Variants in NLGN1 observed in about 807,000 individuals in gnomAD.
NLGN1 encodes neuroligin-1.
Under a neutral mutation model 65.5 loss-of-function variants are expected in NLGN1, and 12 were observed. The ratio of observed to expected loss-of-function variants is 0.18; its 90% CI spans 0.12 to 0.30. The LOEUF (loss-of-function observed/expected upper bound fraction) is 0.30, where lower values mean the gene tolerates loss of function less well. Ranked by LOEUF, NLGN1 falls within the 10% of genes least tolerant of loss-of-function variation. The pLI is 1.00. For missense variants in NLGN1, 750 were observed against 1,007.1 expected, an observed-to-expected ratio of 0.74 and a Z score of 3.46; for synonymous variants, 350 against 359.5, an observed-to-expected ratio of 0.97 and a Z score of 0.30.
At chr3:174,119,505 C>T (rs980884113) in intron 4 of NLGN1, among the ~76,000 whole-genome samples, 7 of 152,112 alleles carry the variant, frequency 4.6e-5, no homozygotes, top group Admixed American at 1.3e-4. Context: ...AGTTTCATTT[C>T]ACATGGATAT....
intron 4 of NLGN1, among the ~76,000 whole-genome samples, chr3:173,895,588 G>T (rs1736203915): frequency 6.6e-6 from 1 of 152,112 alleles, no homozygotes; most frequent in Non-Finnish European, 1.5e-5. Flanking sequence ...CTTCCAGAAA[G>T]ACCAGAGACC....
chr3:173,886,873 T>A (rs1363130997), intron 4 of NLGN1, among the ~76,000 whole-genome samples: 1 of 152,020 alleles, frequency 6.6e-6, no homozygotes, highest in Non-Finnish European at 1.5e-5. Flanking sequence ...TATCTTGATT[T>A]CCCTTGCACT....
rs1331010328 is a variant in NLGN1, at chr3:173,450,322, A to C, written c.-321+15244A>C. 2.6e-5 allele frequency among the ~76,000 whole-genome samples: 4 copies of C among 152,076 alleles called. No individual in the cohort carries two copies. The East Asian group carries it at 7.7e-4, about 29-fold the overall frequency. ...TATTTTATTTCTCCTTCACTTATGA[A>C]GCTTAGTTTGGCTGGATATGAAATT... On this transcript the variant is annotated intron_variant, in intron 2 of 6. Transcript: ENST00000457714.
intron 4 of NLGN1, among the ~76,000 whole-genome samples, chr3:173,939,112 T>G (rs1745541004): frequency 1.3e-5 from 2 of 152,224 alleles, no homozygotes; most frequent in Non-Finnish European, 2.9e-5. Context: ...TTAGCTAGCC[T>G]GTAACACTTA....
chr3:173,911,516 G>T (rs1451968735), intron 4 of NLGN1, among the ~76,000 whole-genome samples: 1 of 152,270 alleles, frequency 6.6e-6, no homozygotes, highest in Admixed American at 6.5e-5. Flanking sequence ...TTGAATCAGA[G>T]ATTAGCTCAA....
rs191029080 is a variant in NLGN1, at chr3:173,915,977, C to T, written c.646+108145C>T. The stretch of plus-strand genomic sequence containing the variant: ...GTGAGAAAAGTAGCAGGGTTTAGAT[C>T]GTGAACTTTAATGTGGCGCTCCAAA... On this transcript the variant is annotated intron_variant, in intron 4 of 6. Coordinates refer to ENST00000457714, the Ensembl canonical transcript of NLGN1. Among the ~76,000 whole-genome samples, 308 of 152,114 alleles carry T rather than the reference C, an allele frequency of 2.0e-3. 2 individuals carry two copies. Among genetic ancestry groups the T allele is most frequent in the Middle Eastern group, 3.4e-3 (1 of 294 alleles).
chr3:173,930,177 C>A (rs567546530), intron 4 of NLGN1, among the ~76,000 whole-genome samples: 1 of 152,302 alleles, frequency 6.6e-6, no homozygotes, highest in East Asian at 1.9e-4. Context: ...CTTGGAAATT[C>A]CGTACCTACT....
intron 4 of NLGN1, among the ~76,000 whole-genome samples, chr3:174,130,322 C>T (rs556932133): frequency 2.0e-5 from 3 of 152,172 alleles, no homozygotes; most frequent in Non-Finnish European, 2.9e-5. Context: ...TGCAGTGAGC[C>T]GAGATCGCGC....
intron 4 of NLGN1, among the ~76,000 whole-genome samples, chr3:174,114,267 G>A (rs758668628): frequency 2.6e-5 from 4 of 151,534 alleles, no homozygotes; most frequent in Non-Finnish European, 4.4e-5. Context: ...AAGTATTTAG[G>A]CGTGCAAATT....
intron 4 of NLGN1, among the ~76,000 whole-genome samples, chr3:174,259,915 A>G (rs1746538617): frequency 7.2e-6 from 1 of 139,700 alleles, no homozygotes; most frequent in African/African-American, 2.6e-5. Flanking sequence ...ATTCCCACCT[A>G]TGAGTGAGAA....
chr3:174,024,748 C>G (rs1276902063), intron 4 of NLGN1, among the ~76,000 whole-genome samples: 4 of 152,124 alleles, frequency 2.6e-5, no homozygotes, highest in Non-Finnish European at 4.4e-5. Flanking sequence ...TCATAAACAC[C>G]AGCAACTTCT....
chr3:174,242,729 G>T (rs1463286882), intron 4 of NLGN1, among the ~76,000 whole-genome samples: 1 of 152,198 alleles, frequency 6.6e-6, no homozygotes, highest in East Asian at 1.9e-4. Context: ...TAATTATTAT[G>T]TATTACAATG....
chr3:173,744,439 C>T (rs1392332885), intron 3 of NLGN1, among the ~76,000 whole-genome samples: 1 of 152,012 alleles, frequency 6.6e-6, no homozygotes. Context: ...GATAAAGAAA[C>T]AATCAAGAAA....
intron 4 of NLGN1, among the ~76,000 whole-genome samples, chr3:173,975,242 A>G (rs1185929330): frequency 6.6e-6 from 1 of 152,010 alleles, no homozygotes; most frequent in African/African-American, 2.4e-5. Context: ...CAGGGAAAAT[A>G]GGGAGTGAGT....
At chr3:173,533,532 A>G (rs150495830) in intron 2 of NLGN1, among the ~76,000 whole-genome samples, 1,637 of 152,282 alleles carry the variant, frequency 0.011, 32 homozygotes, top group African/African-American at 0.038. Context: ...AATCTTATTT[A>G]TGGAAGTTCT....
intron 3 of NLGN1, among the ~76,000 whole-genome samples, chr3:173,646,926 A>C (rs1277584908): frequency 6.6e-6 from 1 of 152,174 alleles, no homozygotes; most frequent in Admixed American, 6.5e-5. Flanking sequence ...CAAAATTAAA[A>C]CATTTTTGCT....
intron 3 of NLGN1, among the ~76,000 whole-genome samples, chr3:173,701,266 T>G (rs1242760655): frequency 6.6e-6 from 1 of 152,232 alleles, no homozygotes; most frequent in Non-Finnish European, 1.5e-5. Context: ...AAAGGAACTT[T>G]ACAGATGTTA....
In NLGN1 at chr3:174,233,624, G is replaced by T. The variant is rs116828460; in HGVS notation, c.647-41691G>T. On this transcript the variant is annotated intron_variant, in intron 4 of 6. Transcript: ENST00000457714. ...AAGGTTGACATATTCTTACACTAGG[G>T]ACAGTCATCAATAAAGTTGTAATCG... Among the ~76,000 whole-genome samples, 913 of 152,154 alleles carry T rather than the reference G, an allele frequency of 6.0e-3. 24 individuals are homozygous for T. The highest frequency in any genetic ancestry group is 0.031 in the East Asian group (158 of 5,176).
intron 4 of NLGN1, among the ~76,000 whole-genome samples, chr3:173,956,618 G>T (rs527717439): frequency 6.6e-5 from 10 of 152,256 alleles, no homozygotes; most frequent in African/African-American, 1.2e-4. Flanking sequence ...GTGCCTGTTT[G>T]CTTCCTGCCA....
Sources: allele counts gnomAD v4.1 joint callset (sites outside exome capture counted in the v4.1 genomes callset), GRCh38; gene constraint gnomAD v4.1.1; transcripts MANE v1.5; gene names NCBI Gene and HGNC (gene_info 2026-07-23, HGNC 2026-07-21).